PHF21B: variants seen among roughly 807,000 people sequenced by gnomAD.
PHF21B encodes the protein PHD finger protein 21B.
In PHF21B, 22 loss-of-function variants were observed where a neutral mutation model predicts 62.2. The ratio of observed to expected loss-of-function variants is 0.35; its 90% confidence interval spans 0.25 to 0.51. PHF21B has a LOEUF of 0.51. PHF21B is among the 20% of genes least tolerant of loss of function. The pLI is 0.97. For missense variants in PHF21B, 701 were observed against 707.9 expected, an observed-to-expected ratio of 0.99 and a Z score of 0.11; for synonymous variants, 341 against 314.7, an observed-to-expected ratio of 1.08 and a Z score of -0.88.
At chr22:44,952,188 C>T (rs1457253680) in intron 2 of PHF21B, among the ~76,000 whole-genome samples, 1 of 152,032 alleles carries the variant, frequency 6.6e-6, no homozygotes, top group African/African-American at 2.4e-5. Flanking sequence ...ATTAAAAAAA[C>T]AAAAACTAGC....
At chr22:45,007,586 G>A (rs1380979104) in intron 2 of PHF21B, among the ~76,000 whole-genome samples, 1 of 146,238 alleles carries the variant, frequency 6.8e-6, no homozygotes, top group Non-Finnish European at 1.5e-5. Context: ...GGGGGCAGCG[G>A]AGGGAGGGAG....
chr22:44,941,498 G>T (rs1419334502), intron 2 of PHF21B, among the ~76,000 whole-genome samples: 1 of 152,192 alleles, frequency 6.6e-6, no homozygotes, highest in Non-Finnish European at 1.5e-5. Context: ...GAGTAACAGC[G>T]GCGGAGGAGG....
At chr22:45,004,200 A>G (rs1207630683) in intron 2 of PHF21B, among the ~76,000 whole-genome samples, 1 of 152,218 alleles carries the variant, frequency 6.6e-6, no homozygotes, top group Non-Finnish European at 1.5e-5. Flanking sequence ...AAAACCACTG[A>G]ATGGTACACT....
At chr22:44,919,905 G>C (rs2147311498) in intron 3 of PHF21B, among the ~76,000 whole-genome samples, 1 of 152,340 alleles carries the variant, frequency 6.6e-6, no homozygotes, top group East Asian at 1.9e-4. Context: ...AGGTGACTGG[G>C]GCAAAGCGTG....
At chr22:44,979,979 G>GA (rs1267674330) in intron 2 of PHF21B, among the ~76,000 whole-genome samples, 1 of 144,628 alleles carries the variant, frequency 6.9e-6, no homozygotes, top group Admixed American at 7.2e-5. Flanking sequence ...TGAGGCAGGA[G>GA]AATCGCTTGA....
At chr22:44,994,141 T>C (rs920218066) in intron 2 of PHF21B, among the ~76,000 whole-genome samples, 4 of 152,210 alleles carry the variant, frequency 2.6e-5, no homozygotes, top group Non-Finnish European at 4.4e-5. Flanking sequence ...GAATCCAAGG[T>C]AGGCAGGGCT....
At chr22:45,006,779 C>A (rs1381596491) in intron 2 of PHF21B, among the ~76,000 whole-genome samples, 2 of 151,912 alleles carry the variant, frequency 1.3e-5, no homozygotes, top group East Asian at 3.9e-4. Flanking sequence ...TACGAGTCAA[C>A]AACTTGCCGT....
At chr22:44,917,614 T>C (rs2071461780) in intron 3 of PHF21B, among the ~76,000 whole-genome samples, 1 of 152,200 alleles carries the variant, frequency 6.6e-6, no homozygotes, top group African/African-American at 2.4e-5. Flanking sequence ...CCTGGCCTGT[T>C]CTACAGATAA....
Position 44,907,449 on chromosome 22 carries a change from G to A in PHF21B, c.831+6373C>T, listed in dbSNP as rs143052954. On this transcript the variant is annotated intron_variant, in intron 5 of 12. Transcript: ENST00000313237. Reference sequence around the variant, plus strand: ...GGGGTGAACAGGCCAGCCGTGTTCAGCGTCCCGCACGTGCCTGGTGCGGAG... The same window carrying A: ...GGGGTGAACAGGCCAGCCGTGTTCAACGTCCCGCACGTGCCTGGTGCGGAG... 4.6e-3 allele frequency among the ~76,000 whole-genome samples: 708 copies of A among 152,346 alleles called. 7 individuals carry two copies. The highest frequency in any genetic ancestry group is 0.015 in the African/African-American group (613 of 41,576).
chr22:44,992,128 C>T (rs2073051543), intron 2 of PHF21B, among the ~76,000 whole-genome samples: 2 of 152,224 alleles, frequency 1.3e-5, no homozygotes, highest in African/African-American at 4.8e-5. Context: ...CTTAGATGTC[C>T]TCTAACTTCA....
intron 2 of PHF21B, among the ~76,000 whole-genome samples, chr22:44,963,832 G>C (rs1236751074): frequency 6.6e-6 from 1 of 152,228 alleles, no homozygotes; most frequent in Non-Finnish European, 1.5e-5. Context: ...CTCCATGTGG[G>C]GGACCCCAAG....
intron 2 of PHF21B, among the ~76,000 whole-genome samples, chr22:44,937,677 C>T (rs2071876609): frequency 6.6e-6 from 1 of 152,248 alleles, no homozygotes; most frequent in Non-Finnish European, 1.5e-5. Flanking sequence ...GGGAAAACAA[C>T]TCAAATGTCC....
intron 2 of PHF21B, among the ~76,000 whole-genome samples, chr22:44,962,141 G>A (rs1241090348): frequency 6.6e-6 from 1 of 152,146 alleles, no homozygotes; most frequent in Admixed American, 6.5e-5. Flanking sequence ...TAATGGGATT[G>A]CTGGGTCGAA....
At chr22:44,918,047 C>T (rs572665385) in intron 3 of PHF21B, among the ~76,000 whole-genome samples, 1 of 152,372 alleles carries the variant, frequency 6.6e-6, no homozygotes, top group South Asian at 2.1e-4. Flanking sequence ...TCCTTGGCAC[C>T]AGAGGTCAGG....
intron 5 of PHF21B, among the ~76,000 whole-genome samples, chr22:44,904,363 C>G (rs1408033820): frequency 6.6e-6 from 1 of 152,112 alleles, no homozygotes; most frequent in Admixed American, 6.5e-5. Flanking sequence ...GTTTCTTATA[C>G]CCACTGGCTG....
At chr22:44,919,173 C>T (rs1044867273) in intron 3 of PHF21B, among the ~76,000 whole-genome samples, 2 of 151,776 alleles carry the variant, frequency 1.3e-5, no homozygotes, top group Non-Finnish European at 2.9e-5. Flanking sequence ...TGGCAAGTCT[C>T]CTCAGGGCTC....
intron 2 of PHF21B, among the ~76,000 whole-genome samples, chr22:44,980,644 C>T (rs1483779167): frequency 2.6e-5 from 4 of 152,184 alleles, no homozygotes; most frequent in Non-Finnish European, 4.4e-5. Context: ...CTTCCAAATC[C>T]ATACAAGTCA....
At chr22:45,005,259 G>C (rs752135799) in intron 2 of PHF21B, among the ~76,000 whole-genome samples, 16 of 152,240 alleles carry the variant, frequency 1.1e-4, no homozygotes, top group Non-Finnish European at 2.2e-4. Context: ...TCCACTATCT[G>C]AATCACAGCC....
chr22:45,002,362 G>C (rs5766280), intron 2 of PHF21B, among the ~76,000 whole-genome samples: 152,263 of 152,348 alleles, frequency 1, 76,089 homozygotes, highest in Middle Eastern at 1. Flanking sequence ...ACACACTTTT[G>C]TTCTTCAACT....
Sources: gnomAD v4.1 joint callset for allele counts (sites outside exome capture counted in the v4.1 genomes callset) on GRCh38, gnomAD v4.1.1 for gene constraint, MANE v1.5 for transcripts, NCBI Gene and HGNC (gene_info 2026-07-23, HGNC 2026-07-21) for gene names.